CCDC102B: variants seen among roughly 807,000 people sequenced by gnomAD.
CCDC102B encodes coiled-coil domain-containing protein 102B.
CCDC102B carries 75 observed loss-of-function variants against 57.4 expected under a neutral mutation model. The observed-to-expected ratio is 1.31, with a 90% CI of 1.08 to 1.58. CCDC102B has a LOEUF of 1.58. Ranked by LOEUF, CCDC102B falls within the 40% of genes most tolerant of loss-of-function variation. The probability of loss-of-function intolerance (pLI) is 0.00; values close to 1 mark genes in which losing one functional copy is unlikely to be tolerated. For synonymous variants in CCDC102B, 206 were observed against 201.9 expected, an observed-to-expected ratio of 1.02 and a Z score of -0.17; for missense variants, 636 against 582.6, an observed-to-expected ratio of 1.09 and a Z score of -0.94.
chr18:68,934,077 T>G (rs993551931), intron 6 of CCDC102B, among the ~76,000 whole-genome samples: 7 of 152,082 alleles, frequency 4.6e-5, no homozygotes, highest in Non-Finnish European at 1.0e-4. Context: ...AGGCAGTTAA[T>G]TTCTACTATG....
At chr18:68,775,340 C>T (rs1324402687) in intron 2 of CCDC102B, among the ~76,000 whole-genome samples, 1 of 151,958 alleles carries the variant, frequency 6.6e-6, no homozygotes, top group Non-Finnish European at 1.5e-5. Context: ...TGAGAAATTC[C>T]TTTTATTATA....
At chr18:68,830,520 A>G (rs1232926476) in intron 1 of CCDC102B, among the ~76,000 whole-genome samples, 1 of 147,808 alleles carries the variant, frequency 6.8e-6, no homozygotes, top group Non-Finnish European at 1.5e-5. Flanking sequence ...AAACCTTGGC[A>G]TGAGTATAAA....
chr18:68,977,365 A>G (rs564689374), intron 6 of CCDC102B, among the ~76,000 whole-genome samples: 6 of 152,042 alleles, frequency 3.9e-5, no homozygotes, highest in Non-Finnish European at 7.4e-5. Flanking sequence ...TGCTGCACCC[A>G]TCAACCCACC....
At chr18:68,989,130 T>C (rs1327033813) in intron 6 of CCDC102B, among the ~76,000 whole-genome samples, 1 of 152,226 alleles carries the variant, frequency 6.6e-6, no homozygotes, top group Non-Finnish European at 1.5e-5. Flanking sequence ...CATCCTATTT[T>C]GTTACTCTGC....
Position 69,045,844 on chromosome 18 carries a change from G to A in CCDC102B, c.1435-8186G>A, listed in dbSNP as rs920440439. ...TGTTGTTTAGCTCCCACTTATGTGT[G>A]AGAACATGTGGTATTTGGTTTTCTG... On this transcript the variant is annotated intron_variant, in intron 7 of 7. Coordinates refer to ENST00000360242, the MANE Select transcript of CCDC102B (RefSeq NM_024781.3). Among the ~76,000 whole-genome samples the A allele has an allele frequency of 2.0e-5, 3 of 152,240 alleles. No individual in the cohort carries two copies. The South Asian group carries it at 6.2e-4, about 32-fold the overall frequency.
intron 7 of CCDC102B, among the ~76,000 whole-genome samples, chr18:69,053,302 AAT>A: frequency 6.8e-6 from 1 of 148,016 alleles, no homozygotes; most frequent in African/African-American, 2.4e-5. Context: ...CATTTTCAAT[AAT>A]ATATATAAAT....
chr18:68,949,951 T>C (rs984657696), intron 6 of CCDC102B, among the ~76,000 whole-genome samples: 3 of 152,140 alleles, frequency 2.0e-5, no homozygotes, highest in African/African-American at 7.2e-5. Context: ...TTTCTAGTTA[T>C]TACATCTAAG....
At position 68,928,289 on chromosome 18, in the gene CCDC102B, C is replaced by T. The variant is rs913763452; in HGVS notation, c.1263+30861C>T. ...CATGGATTTCAGAATCCTAGACCCA[C>T]AGGTGGCAAACAATCTTATGGGAAG... On this transcript the variant is annotated intron_variant, in intron 6 of 7. Transcript: ENST00000360242. 1.3e-4 allele frequency among the ~76,000 whole-genome samples: 20 copies of T among 151,910 alleles called. No individual in the cohort carries two copies. The South Asian group carries it at 2.5e-3, about 19-fold the overall frequency.
At chr18:68,953,101 G>A (rs1268001291) in intron 6 of CCDC102B, among the ~76,000 whole-genome samples, 3 of 152,012 alleles carry the variant, frequency 2.0e-5, no homozygotes, top group Admixed American at 1.3e-4. Context: ...AAACAATACT[G>A]AAAAGAGTCT....
At chr18:68,961,934 A>T (rs190959564) in intron 6 of CCDC102B, among the ~76,000 whole-genome samples, 2 of 152,128 alleles carry the variant, frequency 1.3e-5, no homozygotes, top group African/African-American at 4.8e-5. Flanking sequence ...ATTTCATAGG[A>T]TGTAGGATCT....
At chr18:68,731,079 C>T (rs1001714340) in intron 2 of CCDC102B, among the ~76,000 whole-genome samples, 4 of 152,068 alleles carry the variant, frequency 2.6e-5, no homozygotes, top group East Asian at 1.9e-4. Flanking sequence ...TTCTGCCTCC[C>T]GGGATCAAGC....
intron 2 of CCDC102B, among the ~76,000 whole-genome samples, chr18:68,783,109 C>T (rs573317409): frequency 1.8e-4 from 28 of 152,214 alleles, no homozygotes; most frequent in African/African-American, 6.5e-4. Context: ...GAGGTTGGTA[C>T]GATTGGTTCG....
intron 2 of CCDC102B, among the ~76,000 whole-genome samples, chr18:68,786,310 G>A (rs565118197): frequency 6.6e-6 from 1 of 150,714 alleles, no homozygotes; most frequent in East Asian, 2.0e-4. Context: ...GGCAATGCGG[G>A]CTCTTTTTTG....
chr18:68,836,774 A>G lies in CCDC102B; in HGVS notation c.11A>G (p.Asp4Gly). ...GTCTTAAAAATAAATATGAATTTAG[A>G]TTCCATACATCGATTAATTGAGGAA... MNL[D>G]SIHRLIEETQ... The change falls in exon 2 of 8, where the codon GAT (aspartate) becomes GGT (glycine). Residue 4 changes from aspartate to glycine, a missense_variant. Coordinates refer to ENST00000360242, the MANE Select transcript of CCDC102B (RefSeq NM_024781.3). 6.2e-7 allele frequency: 1 copy of G among 1,611,814 alleles called. No homozygotes were observed. Among genetic ancestry groups the G allele is most frequent in the Non-Finnish European group, 8.5e-7 (1 of 1,178,942 alleles).
At position 69,026,210 on chromosome 18, in the gene CCDC102B, A is replaced by C. The variant is rs149071527; in HGVS notation, c.1434+15106A>C. ...GCCGGGCACGGTGGCTCACGCCTGT[A>C]ATCCCAGCACTTTGGAAGGCCTTGG... On this transcript the variant is annotated intron_variant, in intron 7 of 7. Transcript: ENST00000360242. Among the ~76,000 whole-genome samples the C allele has an allele frequency of 5.8e-3, 889 of 152,274 alleles. 11 individuals are homozygous for C. The highest frequency in any genetic ancestry group is 0.02 in the African/African-American group (851 of 41,556).
At chr18:68,769,461 C>T (rs936047776) in intron 2 of CCDC102B, among the ~76,000 whole-genome samples, 11 of 151,978 alleles carry the variant, frequency 7.2e-5, no homozygotes, top group Non-Finnish European at 1.0e-4. Flanking sequence ...AAAGGGTACA[C>T]AATTAGGTCC....
At chr18:68,841,081 GCAAT>G (rs1296620495) in intron 3 of CCDC102B, among the ~76,000 whole-genome samples, 1 of 152,154 alleles carries the variant, frequency 6.6e-6, no homozygotes, top group Non-Finnish European at 1.5e-5. Context: ...TCCGCATGAG[GCAAT>G]CAGTCTTTTT....
intron 6 of CCDC102B, among the ~76,000 whole-genome samples, chr18:68,983,426 T>C (rs917282773): frequency 3.3e-5 from 5 of 152,008 alleles, no homozygotes; most frequent in South Asian, 2.1e-4. Flanking sequence ...AGGGTTTCCC[T>C]ACCTTGTATG....
intron 6 of CCDC102B, among the ~76,000 whole-genome samples, chr18:68,989,460 T>C (rs1236860939): frequency 1.3e-5 from 2 of 152,250 alleles, no homozygotes; most frequent in African/African-American, 4.8e-5. Flanking sequence ...ATTGCTACCT[T>C]GAACAAGTTA....
Sources: gnomAD v4.1 joint callset for allele counts (sites outside exome capture counted in the v4.1 genomes callset) on GRCh38, gnomAD v4.1.1 for gene constraint, MANE v1.5 for transcripts, NCBI Gene and HGNC (gene_info 2026-07-23, HGNC 2026-07-21) for gene names.